GRID2: variants seen among roughly 807,000 people sequenced by gnomAD.
GRID2 encodes glutamate ionotropic receptor delta type subunit 2.
GRID2 carries 33 observed loss-of-function variants against 114.8 expected under a neutral mutation model. The ratio of observed to expected loss-of-function variants is 0.29; its 90% confidence interval spans 0.22 to 0.38. The LOEUF is 0.38. Among genes scored for constraint, GRID2 ranks in the 10% least tolerant of loss-of-function variants. The pLI is 1.00. For missense variants in GRID2, 1,184 were observed against 1,257.7 expected (o/e 0.94, Z 0.89); for synonymous variants, 505 against 449.9 (o/e 1.12, Z -1.55).
chr4:93,652,058 TG>T (rs916299816), intron 14 of GRID2, among the ~76,000 whole-genome samples: 14 of 152,202 alleles, frequency 9.2e-5, no homozygotes, highest in African/African-American at 3.1e-4. Context: ...GTTAATGTTA[TG>T]GGCTAAATTT....
intron 8 of GRID2, among the ~76,000 whole-genome samples, chr4:93,243,724 G>A (rs6815541): frequency 0.7 from 106,538 of 151,854 alleles, 38,079 homozygotes; most frequent in Middle Eastern, 0.84. Context: ...GGGATTATTT[G>A]ATTCTCACTG....
chr4:93,253,633 A>G (rs1447328724), intron 8 of GRID2, among the ~76,000 whole-genome samples: 2 of 152,150 alleles, frequency 1.3e-5, no homozygotes, highest in African/African-American at 4.8e-5. Context: ...AAGAAGTAAT[A>G]CAGACTAAAA....
At chr4:93,240,959 G>C (rs1747440332) in intron 8 of GRID2, among the ~76,000 whole-genome samples, 1 of 151,502 alleles carries the variant, frequency 6.6e-6, no homozygotes, top group Admixed American at 6.6e-5. Flanking sequence ...ATTATTAGAA[G>C]CACAGACAGT....
intron 2 of GRID2, among the ~76,000 whole-genome samples, chr4:92,612,758 C>A (rs570804319): frequency 1.7e-4 from 26 of 151,398 alleles, no homozygotes; most frequent in African/African-American, 5.8e-4. Context: ...TGAATAAACT[C>A]TATTTTTTGT....
chr4:93,403,043 AC>A (rs1469449229), intron 9 of GRID2, among the ~76,000 whole-genome samples: 20 of 151,918 alleles, frequency 1.3e-4, no homozygotes, highest in African/African-American at 4.8e-4. Context: ...TTGTCAAGAG[AC>A]TCTACTGGGC....
intron 2 of GRID2, among the ~76,000 whole-genome samples, chr4:92,817,338 C>T (rs189651866): frequency 6.6e-6 from 1 of 151,890 alleles, no homozygotes; most frequent in Non-Finnish European, 1.5e-5. Context: ...CATATTATTC[C>T]TCTCTACAAA....
At chr4:92,537,818 TG>T (rs1468910571) in intron 1 of GRID2, among the ~76,000 whole-genome samples, 1 of 151,050 alleles carries the variant, frequency 6.6e-6, no homozygotes, top group Non-Finnish European at 1.5e-5. Flanking sequence ...TGTGTGTGTG[TG>T]TGTGTGTGTG....
At chr4:92,683,432 A>T (rs1259338769) in intron 2 of GRID2, among the ~76,000 whole-genome samples, 1 of 152,156 alleles carries the variant, frequency 6.6e-6, no homozygotes, top group Non-Finnish European at 1.5e-5. Context: ...AGATATCAAG[A>T]TATTTACCAA....
intron 2 of GRID2, among the ~76,000 whole-genome samples, chr4:92,681,864 A>G (rs1733666638): frequency 6.6e-6 from 1 of 152,134 alleles, no homozygotes; most frequent in South Asian, 2.1e-4. Context: ...AATGGAAGCC[A>G]TATGCATTCT....
At chr4:92,901,196 G>A (rs369752457) in intron 2 of GRID2, among the ~76,000 whole-genome samples, 2 of 152,130 alleles carry the variant, frequency 1.3e-5, no homozygotes, top group African/African-American at 2.4e-5. Flanking sequence ...CACACCAAAT[G>A]TGTATAAGCA....
chr4:92,619,426 C>T (rs1283941628), intron 2 of GRID2, among the ~76,000 whole-genome samples: 1 of 151,672 alleles, frequency 6.6e-6, no homozygotes, highest in Non-Finnish European at 1.5e-5. Flanking sequence ...CTGTCTCATT[C>T]CTCAGATCTT....
At chr4:92,524,494 A>G (rs1560688296) in intron 1 of GRID2, among the ~76,000 whole-genome samples, 2 of 148,606 alleles carry the variant, frequency 1.3e-5, no homozygotes, top group Admixed American at 1.4e-4. Context: ...ACTGTCACCA[A>G]TGGTCAGTTG....
chr4:93,785,687 C>A (rs1337425723), intron 1 of GRID2, among the ~76,000 whole-genome samples: 1 of 152,100 alleles, frequency 6.6e-6, no homozygotes, highest in African/African-American at 2.4e-5. Context: ...AAAGCGGTGA[C>A]CTGATCATGT....
intron 4 of GRID2, among the ~76,000 whole-genome samples, chr4:93,156,782 C>A (rs773792842): frequency 4.0e-5 from 6 of 151,500 alleles, no homozygotes; most frequent in Non-Finnish European, 7.4e-5. Context: ...GGAGAGAGTT[C>A]CAGTGTGGGT....
chr4:92,861,444 C>G (rs1744526476), intron 2 of GRID2, among the ~76,000 whole-genome samples: 1 of 152,114 alleles, frequency 6.6e-6, no homozygotes, highest in South Asian at 2.1e-4. Context: ...ATTCTATCTA[C>G]CAAAGCAATC....
chr4:92,385,277 A>G (rs1001308292), intron 1 of GRID2, among the ~76,000 whole-genome samples: 3 of 151,832 alleles, frequency 2.0e-5, no homozygotes, highest in Admixed American at 6.6e-5. Flanking sequence ...AGACATGACT[A>G]TATGACTGAA....
intron 8 of GRID2, among the ~76,000 whole-genome samples, chr4:93,252,797 G>A (rs1185558808): frequency 6.6e-6 from 1 of 151,966 alleles, no homozygotes; most frequent in Non-Finnish European, 1.5e-5. Flanking sequence ...CTTGTTAGCT[G>A]TATTCCTAGG....
At chr4:92,358,318 CAT>C (rs1728446263) in intron 1 of GRID2, among the ~76,000 whole-genome samples, 1 of 151,856 alleles carries the variant, frequency 6.6e-6, no homozygotes, top group African/African-American at 2.4e-5. Context: ...CTATATATAA[CAT>C]ATTGTGGAGA....
intron 1 of GRID2, among the ~76,000 whole-genome samples, chr4:92,443,291 T>G (rs1733223098): frequency 6.6e-6 from 1 of 152,184 alleles, no homozygotes; most frequent in South Asian, 2.1e-4. Flanking sequence ...TATTTGGAAC[T>G]ACTGTGGAGT....
Sources: allele counts gnomAD v4.1 joint callset (sites outside exome capture counted in the v4.1 genomes callset), GRCh38; gene constraint gnomAD v4.1.1; transcripts MANE v1.5; gene names NCBI Gene and HGNC (gene_info 2026-07-23, HGNC 2026-07-21).